The following DBNL variants were observed in gnomAD, a reference collection of about 807,000 sequenced individuals.
DBNL encodes the protein drebrin like.
Under a neutral mutation model 62.2 loss-of-function variants are expected in DBNL, and 35 were observed. That is an observed-to-expected ratio of 0.56 (90% CI 0.43 to 0.75). The LOEUF (loss-of-function observed/expected upper bound fraction) is 0.75, where lower values mean the gene tolerates loss of function less well. Among genes scored for constraint, DBNL ranks in the 30% least tolerant of loss-of-function variants. DBNL has a pLI of 0.00. For synonymous variants in DBNL, 197 were observed against 218.0 expected, an observed-to-expected ratio of 0.90 and a Z score of 0.85; for missense variants, 495 against 578.4, an observed-to-expected ratio of 0.86 and a Z score of 1.48.
chr7:44,046,970 C>T (rs2128788629), intron 1 of DBNL, among the ~76,000 whole-genome samples: 1 of 152,294 alleles, frequency 6.6e-6, no homozygotes, highest in East Asian at 1.9e-4. Flanking sequence ...TCTTCAGAGT[C>T]CTTGCTCTGC....
rs905699519 is a variant in DBNL at position 44,056,787 on chromosome 7, G to A, written c.358G>A (p.Glu120Lys). Residue 120 changes from glutamate to lysine, a missense_variant, in exon 5 of 13, where the codon GAG (glutamate) becomes AAG (lysine). Glu to Lys is a moderately conservative substitution (Grantham distance 56). Coordinates refer to ENST00000448521, the MANE Select transcript of DBNL (RefSeq NM_001014436.3). The stretch of plus-strand genomic sequence containing the variant: ...CCATGTGACCATCAACGCACGGGCC[G>A]AGGAGGATGTGGAGCCTGAGTGCAT... ...GAHVTINARA[E>K]EDVEPECIME... 3.7e-6 allele frequency: 6 copies of A among 1,613,960 alleles called. No individual in the cohort carries two copies. Among genetic ancestry groups the A allele is most frequent in the African/African-American group, 2.7e-5 (2 of 74,916 alleles).
rs116930157 is a variant in DBNL at position 44,051,363 on chromosome 7, G to A, written c.140-467G>A. ...GCAGGATGTTCAATCTGGTCTGGCC[G>A]TCTGGGTGGCCCTGGAACTTGAGCA... is the stretch of plus-strand genomic sequence containing the variant. On this transcript the variant is annotated intron_variant, in intron 2 of 12. Transcript: ENST00000448521. The A allele has an allele frequency of 9.2e-3, 1,493 of 162,670 alleles. 11 individuals carry two copies. Among genetic ancestry groups the A allele is most frequent in the Non-Finnish European group, 0.014 (1,010 of 74,124 alleles). 10.1% of individuals were successfully genotyped at this position (162,670 alleles called of 1,614,324 possible).
At position 44,062,361 on chromosome 7, in the gene DBNL, G is replaced by A. The variant is rs1043407070; in HGVS notation, c.*1445G>A. ...ACCCGGGGGTTGCAAGGACAGCAGA[G>A]GACCACCTGCCCTCTGCAGGAAGCT... is the stretch of plus-strand genomic sequence containing the variant. On this transcript the variant is annotated 3_prime_UTR_variant, in exon 13 of 13. Coordinates refer to ENST00000448521, the MANE Select transcript of DBNL (RefSeq NM_001014436.3). 6 of 268,628 alleles carry A rather than the reference G, an allele frequency of 2.2e-5. No homozygotes were observed. Among genetic ancestry groups the A allele is most frequent in the Non-Finnish European group, 4.4e-5 (6 of 135,006 alleles). 16.6% of individuals were successfully genotyped at this position (268,628 alleles called of 1,614,324 possible).
intron 2 of DBNL, 60 bp downstream of exon 2, chr7:44,050,340 G>A (rs2096124432): frequency 1.9e-6 from 3 of 1,582,272 alleles, no homozygotes; most frequent in Non-Finnish European, 1.7e-6. Flanking sequence ...ACGACGAGGG[G>A]TCAGCGCACT....
rs1367981563 is a variant in DBNL at position 44,065,558 on chromosome 7, G to C, written c.*4642G>C. 1 of 1,607,628 alleles carries C rather than the reference G, an allele frequency of 6.2e-7. No homozygotes were observed. The highest frequency in any genetic ancestry group is 8.5e-7 in the Non-Finnish European group (1 of 1,175,398). ...GGCAGCAGGGACCACAGAGGACTCT[G>C]GACGGGGACGGCTGCTTCCCAACAC... On this transcript the variant is annotated 3_prime_UTR_variant, in exon 13 of 13. Transcript: ENST00000448521.
Position 44,058,488 on chromosome 7 carries a change from G to T in DBNL, c.753+8G>T. The stretch of plus-strand genomic sequence containing the variant: ...AGGAACCGAAATGAGCAGGTAAGAT[G>T]GGGGTGCTCTACTTGTTTGGACCTG... On this transcript the variant is annotated splice_region_variant and intron_variant, in intron 8 of 12. Transcript: ENST00000448521. 1 of 1,614,076 alleles carries T rather than the reference G, an allele frequency of 6.2e-7. No individual in the cohort carries two copies. The highest frequency in any genetic ancestry group is 8.5e-7 in the Non-Finnish European group (1 of 1,179,994).
In DBNL at chr7:44,060,897, A is replaced by G; in HGVS notation, c.1274A>G (p.Tyr425Cys). Residue 425 changes from tyrosine to cysteine, a missense_variant, in exon 13 of 13, where the codon TAC becomes TGC. Physicochemically the swap from Tyr to Cys is radical, Grantham distance 194. Coordinates refer to ENST00000448521, the MANE Select transcript of DBNL (RefSeq NM_001014436.3). This position sits in a 1 kb window ranked among gnomAD's most constrained non-coding sequence, Gnocchi z 6.3. ...CATTTTGGCATGTTCCCTGCCAACTACGTGGAGCTCATTGAGTGAGGCTGA... is the reference window on the plus strand; with the variant it reads ...CATTTTGGCATGTTCCCTGCCAACTGCGTGGAGCTCATTGAGTGAGGCTGA... ...DGHFGMFPAN[Y>C]VELIE 1 of 1,613,978 alleles carries G rather than the reference A, an allele frequency of 6.2e-7. No individual in the cohort carries two copies. Among genetic ancestry groups the G allele is most frequent in the Non-Finnish European group, 8.5e-7 (1 of 1,179,958 alleles).
In DBNL at chr7:44,064,774, G is replaced by C; in HGVS notation, c.*3858G>C. The C allele has an allele frequency of 6.9e-7, 1 of 1,455,176 alleles. No individual in the cohort carries two copies. The highest frequency in any genetic ancestry group is 9.4e-7 in the Non-Finnish European group (1 of 1,067,656). 90.1% of individuals were successfully genotyped at this position (1,455,176 alleles called of 1,614,324 possible). On this transcript the variant is annotated 3_prime_UTR_variant, in exon 13 of 13. Coordinates refer to ENST00000448521, the MANE Select transcript of DBNL (RefSeq NM_001014436.3). ...TGGGCGAGAGACTTTGCTGAGATGA[G>C]AAGCCAGCTGGGGCTGCTGCCCACC... is the stretch of plus-strand genomic sequence containing the variant.
chr7:44,059,709 A>G lies in DBNL; in HGVS notation c.1047+51A>G. 1.3e-6 allele frequency: 2 copies of G among 1,502,296 alleles called. No individual in the cohort carries two copies. 93.1% of individuals were successfully genotyped at this position (1,502,296 alleles called of 1,614,324 possible). A position where few individuals can be genotyped will look rare whatever the true frequency, so the allele number is the denominator to read the frequency against. On this transcript the variant is annotated intron_variant, in intron 11 of 12. Coordinates refer to ENST00000448521, the MANE Select transcript of DBNL (RefSeq NM_001014436.3). The surrounding 1 kb of genome is among the most constrained non-coding windows in gnomAD (Gnocchi z 4.1). ...CCAGGAAGGGGCTGCATACTCAGGA[A>G]CACTTATCACGGGCCGCCTGAGTTT...
Position 44,064,896 on chromosome 7 carries a change from G to C in DBNL, c.*3980G>C, listed in dbSNP as rs555158017. On this transcript the variant is annotated 3_prime_UTR_variant, in exon 13 of 13. Transcript: ENST00000448521. ...GGGCTGCAATGAGCACTCGCTTGCC[G>C]GCCTTGATCTGGGGAACAATCTCCT... 2.3e-5 allele frequency: 36 copies of C among 1,599,944 alleles called. No individual in the cohort carries two copies. In the Admixed American group the frequency reaches 4.0e-4, roughly 18 times the overall value.
intron 4 of DBNL, among the ~76,000 whole-genome samples, chr7:44,054,864 C>T (rs1483090658): frequency 1.3e-5 from 2 of 152,232 alleles, no homozygotes; most frequent in Non-Finnish European, 2.9e-5. Context: ...TTAGCTCCCA[C>T]ATGAGTGAGA....
Position 44,064,797 on chromosome 7 carries a change from A to AAAGGGGG in DBNL, c.*3881_*3882insAAGGGGG. ...GAGAAGCCAGCTGGGGCTGCTGCCC[A>AAAGGGGG]CCCACCCTGCCCAGGCTCCTGAAGG... On this transcript the variant is annotated 3_prime_UTR_variant, in exon 13 of 13. Transcript: ENST00000448521. 1.6e-6 allele frequency: 1 copy of AAAGGGGG among 633,306 alleles called. No homozygotes were observed. The highest frequency in any genetic ancestry group is 2.8e-6 in the Non-Finnish European group (1 of 361,384). 39.2% of individuals were successfully genotyped at this position (633,306 alleles called of 1,614,324 possible).
At position 44,057,861 on chromosome 7, in the gene DBNL, T is replaced by C; in HGVS notation, c.552+2T>C. 1.2e-6 allele frequency: 2 copies of C among 1,614,066 alleles called. No homozygotes were observed. Among genetic ancestry groups the C allele is most frequent in the Non-Finnish European group, 1.7e-6 (2 of 1,179,996 alleles). On this transcript the variant is annotated splice_donor_variant, in intron 6 of 12. Transcript: ENST00000448521. LOFTEE classifies it high-confidence loss of function. ...GACAGCTTCTGGGCCAAAGCAGAGG[T>C]GAGTGCTGCCCCGGGGCATGCTGGG... is the stretch of plus-strand genomic sequence containing the variant.
In DBNL at chr7:44,065,135, T is replaced by C. The variant is rs1646843580; in HGVS notation, c.*4219T>C. 6.2e-7 allele frequency: 1 copy of C among 1,613,992 alleles called. No individual in the cohort carries two copies. The highest frequency in any genetic ancestry group is 8.5e-7 in the Non-Finnish European group (1 of 1,180,022). On this transcript the variant is annotated 3_prime_UTR_variant, in exon 13 of 13. Transcript: ENST00000448521. ...GCCCACCTTGCTAATGGAGTTGTAG[T>C]AGGGGTGCTTCTCGTCCATCGGGGG...
chr7:44,050,723 G>A (rs776946330), intron 2 of DBNL: 34 of 169,610 alleles, frequency 2.0e-4, no homozygotes, highest in Admixed American at 9.6e-4. Flanking sequence ...CACGGGGGAG[G>A]CTCTGGAGGT....
At position 44,060,941 on chromosome 7, in the gene DBNL, C is replaced by A. The variant is rs745682425; in HGVS notation, c.*25C>A. 1 of 1,606,868 alleles carries A rather than the reference C, an allele frequency of 6.2e-7. No individual in the cohort carries two copies. Among genetic ancestry groups the A allele is most frequent in the Admixed American group, 1.7e-5 (1 of 59,230 alleles). On this transcript the variant is annotated 3_prime_UTR_variant, in exon 13 of 13. Coordinates refer to ENST00000448521, the MANE Select transcript of DBNL (RefSeq NM_001014436.3). The surrounding 1 kb of genome is among the most constrained non-coding windows in gnomAD (Gnocchi z 6.3). ...AGGCTGAGGGCACATCTTGCCCTTC[C>A]CCTCTCAGACATGGCTTCCTTATTG... is the stretch of plus-strand genomic sequence containing the variant.
Position 44,065,872 on chromosome 7 carries a change from T to C in DBNL, c.*4956T>C. On this transcript the variant is annotated 3_prime_UTR_variant, in exon 13 of 13. Coordinates refer to ENST00000448521, the MANE Select transcript of DBNL (RefSeq NM_001014436.3). ...AAGTCTGGGCCAGGGGAGATGGGGATAGCAGGGACAGAGGGGCTCTCCAGG... is the reference window on the plus strand; with the variant it reads ...AAGTCTGGGCCAGGGGAGATGGGGACAGCAGGGACAGAGGGGCTCTCCAGG... 1 of 437,772 alleles carries C rather than the reference T, an allele frequency of 2.3e-6. No individual in the cohort carries two copies. The highest frequency in any genetic ancestry group is 2.2e-5 in the South Asian group (1 of 46,430). 27.1% of individuals were successfully genotyped at this position (437,772 alleles called of 1,614,324 possible).
Position 44,059,808 on chromosome 7 carries a change from G to C in DBNL, c.1047+150G>C, listed in dbSNP as rs375409776. On this transcript the variant is annotated intron_variant, in intron 11 of 12. Coordinates refer to ENST00000448521, the MANE Select transcript of DBNL (RefSeq NM_001014436.3). The surrounding 1 kb of genome is among the most constrained non-coding windows in gnomAD (Gnocchi z 4.1). Reference sequence around the variant, plus strand: ...CCTGTGTTATAAATTGTCAGGGCACGCCCCACTCTATAGGAGGTGCTGGGT... The same window carrying C: ...CCTGTGTTATAAATTGTCAGGGCACCCCCCACTCTATAGGAGGTGCTGGGT... 2.9e-5 allele frequency: 25 copies of C among 869,756 alleles called. No homozygotes were observed. The African/African-American group carries it at 3.9e-4, about 14-fold the overall frequency. The allele number at this position is 869,756 out of a possible 1,614,324, so 53.9% of individuals were successfully genotyped here.
rs765927650 is a variant in DBNL, at chr7:44,060,017, C to T, written c.1048-31C>T. 1 of 1,601,044 alleles carries T rather than the reference C, an allele frequency of 6.2e-7. No homozygotes were observed. Among genetic ancestry groups the T allele is most frequent in the East Asian group, 2.3e-5 (1 of 44,420 alleles). On this transcript the variant is annotated intron_variant, in intron 11 of 12. Coordinates refer to ENST00000448521, the MANE Select transcript of DBNL (RefSeq NM_001014436.3). This position sits in a 1 kb window ranked among gnomAD's most constrained non-coding sequence, Gnocchi z 6.3. ...CAGCGATTGTGTGTAAGGGCTGAGT[C>T]TGGGGTAACACCTTTGTCATCCCTG...
Sources: gnomAD v4.1 joint callset for allele counts (sites outside exome capture counted in the v4.1 genomes callset) on GRCh38, gnomAD v4.1.1 for gene constraint, Gnocchi (gnomAD v3.1) non-coding constraint, MANE v1.5 for transcripts, NCBI Gene and HGNC (gene_info 2026-07-23, HGNC 2026-07-21) for gene names.